The following ROR1 variants were observed in gnomAD, a reference collection of about 807,000 sequenced individuals.
ROR1 encodes ROR family WNT receptor 1, also known as inactive tyrosine-protein kinase transmembrane receptor ROR1.
In ROR1, 19 loss-of-function variants were observed where a neutral mutation model predicts 78.8. The observed-to-expected ratio is 0.24, with a 90% CI of 0.17 to 0.35. The LOEUF (loss-of-function observed/expected upper bound fraction) is 0.35, where lower values mean the gene tolerates loss of function less well. Ranked by LOEUF, ROR1 falls within the 10% of genes least tolerant of loss-of-function variation. The pLI is 1.00. For synonymous variants in ROR1, 386 were observed against 433.6 expected (o/e 0.89, Z 1.36); for missense variants, 917 against 1,177.8 (o/e 0.78, Z 3.24).
intron 4 of ROR1, among the ~76,000 whole-genome samples, chr1:64,132,747 C>A (rs533944929): frequency 9.2e-6 from 1 of 108,778 alleles, no homozygotes; most frequent in African/African-American, 3.7e-5. Flanking sequence ...GCAATGGGAG[C>A]GAGACTCCAT....
intron 4 of ROR1, among the ~76,000 whole-genome samples, chr1:64,072,769 T>C (rs1647018108): frequency 6.6e-6 from 1 of 152,084 alleles, no homozygotes. Flanking sequence ...CTGACCCAGC[T>C]TCCAACTAGC....
At chr1:64,144,545 T>C (rs1569850172) in intron 7 of ROR1, among the ~76,000 whole-genome samples, 1 of 152,238 alleles carries the variant, frequency 6.6e-6, no homozygotes, top group South Asian at 2.1e-4. Flanking sequence ...GTGGCTACCA[T>C]GTGCCAGATC....
intron 1 of ROR1, among the ~76,000 whole-genome samples, chr1:63,835,722 A>G (rs566380053): frequency 6.6e-6 from 1 of 152,330 alleles, no homozygotes; most frequent in South Asian, 2.1e-4. Context: ...AAAGTATGGG[A>G]GAAGTAGATA....
At chr1:63,849,761 A>G (rs925930553) in intron 1 of ROR1, among the ~76,000 whole-genome samples, 4 of 152,152 alleles carry the variant, frequency 2.6e-5, no homozygotes, top group Non-Finnish European at 2.9e-5. Context: ...TTTTCCTACC[A>G]TCTCAGATTC....
chr1:63,934,450 C>T (rs1320645720), intron 1 of ROR1, among the ~76,000 whole-genome samples: 1 of 152,102 alleles, frequency 6.6e-6, no homozygotes, highest in Admixed American at 6.5e-5. Flanking sequence ...CAGCATAGTA[C>T]CTGGCTCCTG....
chr1:64,078,476 G>A (rs1056480828), intron 4 of ROR1, among the ~76,000 whole-genome samples: 3 of 152,188 alleles, frequency 2.0e-5, no homozygotes, highest in South Asian at 2.1e-4. Context: ...GAGCTAAGAT[G>A]TCGAGGAAGG....
At chr1:63,942,132 T>C (rs1270650986) in intron 1 of ROR1, among the ~76,000 whole-genome samples, 1 of 152,208 alleles carries the variant, frequency 6.6e-6, no homozygotes, top group Non-Finnish European at 1.5e-5. Flanking sequence ...TAAATGTCTA[T>C]AGAATGAATG....
At chr1:64,090,064 C>T (rs2100642833) in intron 4 of ROR1, among the ~76,000 whole-genome samples, 1 of 152,246 alleles carries the variant, frequency 6.6e-6, no homozygotes, top group East Asian at 1.9e-4. Context: ...CCTCCCTAGC[C>T]ACTTGGAACT....
At chr1:63,862,939 A>G (rs1645191278) in intron 1 of ROR1, among the ~76,000 whole-genome samples, 1 of 152,356 alleles carries the variant, frequency 6.6e-6, no homozygotes, top group East Asian at 1.9e-4. Context: ...TAATAAATTG[A>G]ATTTCACTTT....
At chr1:64,090,194 G>A (rs1403055400) in intron 4 of ROR1, among the ~76,000 whole-genome samples, 1 of 152,158 alleles carries the variant, frequency 6.6e-6, no homozygotes, top group African/African-American at 2.4e-5. Flanking sequence ...AAAGCCTATT[G>A]TCTTCTCAAT....
At chr1:64,069,985 T>G (rs1646990577) in intron 4 of ROR1, among the ~76,000 whole-genome samples, 1 of 152,118 alleles carries the variant, frequency 6.6e-6, no homozygotes. Context: ...CTGTACCCAT[T>G]AAGTGGTCAC....
intron 1 of ROR1, among the ~76,000 whole-genome samples, chr1:63,785,920 T>C (rs1644682179): frequency 1.3e-5 from 2 of 152,234 alleles, no homozygotes; most frequent in African/African-American, 4.8e-5. Context: ...CACTCACATC[T>C]GGTGTCCCTA....
chr1:63,874,689 G>A (rs932464260), intron 1 of ROR1, among the ~76,000 whole-genome samples: 13 of 152,062 alleles, frequency 8.5e-5, no homozygotes, highest in African/African-American at 3.1e-4. Context: ...AAGGTCCCTG[G>A]GCTGCTTCCT....
intron 8 of ROR1, among the ~76,000 whole-genome samples, chr1:64,166,755 T>C (rs770662863): frequency 6.6e-6 from 1 of 152,204 alleles, no homozygotes; most frequent in African/African-American, 2.4e-5. Context: ...GTGTCCATCC[T>C]GTTAGCATAC....
intron 4 of ROR1, among the ~76,000 whole-genome samples, chr1:64,071,746 A>T (rs975482036): frequency 6.6e-6 from 1 of 152,242 alleles, no homozygotes. Flanking sequence ...GCATGAAGAC[A>T]GAATAAGTCT....
chr1:63,991,082 G>GT lies in ROR1; in HGVS notation c.92-18217dup, dbSNP rs1216963267. ...CACAGGTGCATGACACCATGCCAGGGTTTTTTGTTTGTTTGTTTTTTGTTT... is the reference window on the plus strand; with the variant it reads ...CACAGGTGCATGACACCATGCCAGGGTTTTTTTGTTTGTTTGTTTTTTGTTT... On this transcript the variant is annotated intron_variant, in intron 1 of 8. Coordinates refer to ENST00000371079, the MANE Select transcript of ROR1 (RefSeq NM_005012.4). 3.6e-5 allele frequency among the ~76,000 whole-genome samples: 5 copies of GT among 139,690 alleles called. No homozygotes were observed. The East Asian group carries it at 9.1e-4, about 26-fold the overall frequency. The allele number at this position is 139,690 out of a possible 152,430, so 91.6% of individuals were successfully genotyped here.
chr1:64,042,418 T>G (rs1172925735), intron 2 of ROR1, among the ~76,000 whole-genome samples: 1 of 152,132 alleles, frequency 6.6e-6, no homozygotes, highest in African/African-American at 2.4e-5. Context: ...TCACAGCAAG[T>G]AAAAGGTGAT....
At chr1:64,071,545 G>T (rs940413049) in intron 4 of ROR1, among the ~76,000 whole-genome samples, 1 of 151,624 alleles carries the variant, frequency 6.6e-6, no homozygotes, top group African/African-American at 2.4e-5. Flanking sequence ...CTCATGTCCC[G>T]TTCTGGTCCA....
intron 2 of ROR1, among the ~76,000 whole-genome samples, chr1:64,025,464 A>C (rs2100561637): frequency 6.6e-6 from 1 of 152,316 alleles, no homozygotes; most frequent in Admixed American, 6.5e-5. Context: ...GAGGAAAAGA[A>C]GTCATTATAC....
Sources: gnomAD v4.1 joint callset for allele counts (sites outside exome capture counted in the v4.1 genomes callset) on GRCh38, gnomAD v4.1.1 for gene constraint, MANE v1.5 for transcripts, NCBI Gene and HGNC (gene_info 2026-07-23, HGNC 2026-07-21) for gene names.